The following SDK1 variants were observed in gnomAD, a reference collection of about 807,000 sequenced individuals.
SDK1 encodes protein sidekick-1.
Under a neutral mutation model 245.5 loss-of-function variants are expected in SDK1, and 157 were observed. The ratio of observed to expected loss-of-function variants is 0.64; its 90% CI spans 0.56 to 0.73. The LOEUF is 0.73. SDK1 is among the 30% of genes least tolerant of loss of function. SDK1 has a pLI of 0.00. For missense variants in SDK1, 3,583 were observed against 3,002.3 expected (o/e 1.19, Z -4.52); for synonymous variants, 1,647 against 1,278.5 (o/e 1.29, Z -6.15).
intron 4 of SDK1, among the ~76,000 whole-genome samples, chr7:3,688,108 G>GT (rs1449133521): frequency 6.6e-6 from 1 of 152,260 alleles, no homozygotes; most frequent in Non-Finnish European, 1.5e-5. Context: ...TCAGTGCTCA[G>GT]TGTAGTAATG....
chr7:3,468,406 A>G lies in SDK1; in HGVS notation c.299-150674A>G, dbSNP rs575263560. On this transcript the variant is annotated intron_variant, in intron 1 of 44. Transcript: ENST00000404826. ...TCTCCTGCCCTCCTGTCTCAGTCGCATTCTCCCCCGAATCTACCCATAGAA... is the reference window on the plus strand; with the variant it reads ...TCTCCTGCCCTCCTGTCTCAGTCGCGTTCTCCCCCGAATCTACCCATAGAA... Among the ~76,000 whole-genome samples the G allele has an allele frequency of 4.6e-5, 7 of 152,156 alleles. 1 individual carries two copies. The highest frequency in any genetic ancestry group is 1.7e-4 in the African/African-American group (7 of 41,514).
At chr7:3,947,530 TTGTGTGTGTGTG>T (rs745830597) in intron 5 of SDK1, among the ~76,000 whole-genome samples, 38 of 140,454 alleles carry the variant, frequency 2.7e-4, no homozygotes, top group African/African-American at 6.3e-4. Flanking sequence ...AAGTATTTGC[TTGTGTGTGTGTG>T]TGTGTGTGTG....
chr7:3,722,567 C>G (rs1370001726), intron 4 of SDK1, among the ~76,000 whole-genome samples: 7 of 152,158 alleles, frequency 4.6e-5, no homozygotes, highest in Non-Finnish European at 8.8e-5. Context: ...GGTCCAGGAG[C>G]TCCTTAGGGA....
intron 4 of SDK1, among the ~76,000 whole-genome samples, chr7:3,809,057 A>T (rs771952015): frequency 6.6e-6 from 1 of 152,030 alleles, no homozygotes; most frequent in Non-Finnish European, 1.5e-5. Flanking sequence ...ATTTATAAAG[A>T]AAAAGGGTTG....
chr7:4,145,614 G>A, intron 28 of SDK1, 108 bp from the exon 29 acceptor site: 2 of 955,434 alleles, frequency 2.1e-6, no homozygotes, highest in Non-Finnish European at 3.1e-6. Context: ...CCAGAGACGG[G>A]GAAGAGACAG....
At chr7:3,883,103 C>T (rs997079634) in intron 5 of SDK1, among the ~76,000 whole-genome samples, 3 of 152,148 alleles carry the variant, frequency 2.0e-5, no homozygotes, top group Non-Finnish European at 2.9e-5. Context: ...TTCTACAGAG[C>T]CCACGGGTTC....
intron 1 of SDK1, among the ~76,000 whole-genome samples, chr7:3,491,454 T>C (rs959790700): frequency 1.3e-5 from 2 of 152,214 alleles, no homozygotes; most frequent in Non-Finnish European, 2.9e-5. Context: ...GTTGCTACTG[T>C]TTTATGGTAG....
chr7:3,502,840 ATGACCT>A (rs964021030), intron 1 of SDK1, among the ~76,000 whole-genome samples: 1 of 152,192 alleles, frequency 6.6e-6, no homozygotes. Context: ...GATTTTCTGA[ATGACCT>A]TGAGCAAATT....
At chr7:4,194,396 A>G (rs577737050) in intron 35 of SDK1, among the ~76,000 whole-genome samples, 1 of 110,814 alleles carries the variant, frequency 9.0e-6, no homozygotes, top group Non-Finnish European at 2.0e-5. Context: ...ACATGTATAC[A>G]TATATGTATG....
At chr7:3,844,216 C>G (rs1270889963) in intron 5 of SDK1, among the ~76,000 whole-genome samples, 1 of 152,148 alleles carries the variant, frequency 6.6e-6, no homozygotes, top group African/African-American at 2.4e-5. Flanking sequence ...GGTGATCTGC[C>G]CACCTCAGCC....
At chr7:4,047,342 C>A (rs1455254756) in intron 17 of SDK1, among the ~76,000 whole-genome samples, 2 of 152,134 alleles carry the variant, frequency 1.3e-5, no homozygotes, top group African/African-American at 4.8e-5. Context: ...TAAGATACAC[C>A]TCGCTTGATC....
chr7:3,462,607 G>A (rs1436804824), intron 1 of SDK1, among the ~76,000 whole-genome samples: 17 of 152,040 alleles, frequency 1.1e-4, no homozygotes, highest in Admixed American at 6.6e-4. Context: ...ACTCGAACTA[G>A]ACCAAACTTA....
chr7:4,035,628 A>C (rs934875808), intron 17 of SDK1, among the ~76,000 whole-genome samples: 3 of 152,180 alleles, frequency 2.0e-5, no homozygotes, highest in African/African-American at 7.2e-5. Flanking sequence ...TCTTAACTTT[A>C]AGTCTGAATT....
intron 4 of SDK1, among the ~76,000 whole-genome samples, chr7:3,806,373 T>TCCACATTAGGATGTGGATGG (rs1779247237): frequency 1.8e-5 from 2 of 110,672 alleles, no homozygotes; most frequent in Non-Finnish European, 3.4e-5. Context: ...GATGTGGATG[T>TCCACATTAGGATGTGGATGG]CCACATTAGG....
chr7:4,109,596 C>G (rs571964512), intron 22 of SDK1, among the ~76,000 whole-genome samples: 1 of 152,236 alleles, frequency 6.6e-6, no homozygotes, highest in Non-Finnish European at 1.5e-5. Flanking sequence ...CAGAGCCACA[C>G]GGCCACACGA....
Position 3,301,759 on chromosome 7 carries a change from C to A in SDK1, c.173C>A (p.Ser58Tyr). Residue 58 changes from serine (S) to tyrosine (Y), a missense_variant, in exon 1 of 45, where the codon TCC becomes TAC. Physicochemically the swap from Ser to Tyr is moderately radical, Grantham distance 144. Coordinates refer to ENST00000404826, the MANE Select transcript of SDK1 (RefSeq NM_152744.4). ...PSRPRAAPET[S>Y]GGDTAGAGRC... Reference sequence around the variant, plus strand: ...CGACCCCGGGCGGCGCCCGAGACCTCCGGCGGGGACACGGCGGGCGCGGGG... The same window carrying A: ...CGACCCCGGGCGGCGCCCGAGACCTACGGCGGGGACACGGCGGGCGCGGGG... 1.0e-6 allele frequency: 1 copy of A among 985,482 alleles called. No homozygotes were observed. The highest frequency in any genetic ancestry group is 4.5e-5 in the South Asian group (1 of 22,012). The allele number at this position is 985,482 out of a possible 1,614,324, so 61.0% of individuals were successfully genotyped here.
chr7:3,371,108 C>T (rs1043528851), intron 1 of SDK1, among the ~76,000 whole-genome samples: 1 of 152,270 alleles, frequency 6.6e-6, no homozygotes, highest in Non-Finnish European at 1.5e-5. Flanking sequence ...GTGCCTGAGT[C>T]TCAGAGCAGG....
At chr7:4,135,856 C>G (rs1040786599) in intron 28 of SDK1, among the ~76,000 whole-genome samples, 5 of 152,210 alleles carry the variant, frequency 3.3e-5, no homozygotes, top group African/African-American at 9.6e-5. Flanking sequence ...AGAGCTCCTC[C>G]TAGACCATTG....
chr7:4,148,614 G>T (rs1485907835), intron 29 of SDK1, among the ~76,000 whole-genome samples: 1 of 152,188 alleles, frequency 6.6e-6, no homozygotes, highest in Non-Finnish European at 1.5e-5. Context: ...AGACCAAAGG[G>T]ACCACAGGGC....
Sources: allele counts gnomAD v4.1 joint callset (sites outside exome capture counted in the v4.1 genomes callset), GRCh38; gene constraint gnomAD v4.1.1; transcripts MANE v1.5; gene names NCBI Gene and HGNC (gene_info 2026-07-23, HGNC 2026-07-21).